RLF: variants seen among roughly 807,000 people sequenced by gnomAD.
The protein encoded by RLF is zinc finger protein Rlf.
RLF carries 7 observed loss-of-function variants against 162.9 expected under a neutral mutation model. That is an observed-to-expected ratio of 0.04 (90% confidence interval 0.02 to 0.08). RLF has a LOEUF of 0.08. Among genes scored for constraint, RLF ranks in the 10% least tolerant of loss-of-function variants. The probability of loss-of-function intolerance (pLI) is 1.00; values close to 1 mark genes in which losing one functional copy is unlikely to be tolerated. For synonymous variants in RLF, 782 were observed against 791.5 expected, an observed-to-expected ratio of 0.99 and a Z score of 0.20; for missense variants, 1,664 against 2,244.7, an observed-to-expected ratio of 0.74 and a Z score of 5.23.
chr1:40,189,025 T>G (rs1269932068), intron 1 of RLF, 30 bp from the exon 2 acceptor site: 1 of 1,403,248 alleles, frequency 7.1e-7, no homozygotes, highest in African/African-American at 1.4e-5. Flanking sequence ...TTATTTTTAT[T>G]TGTAAATAAT....
At chr1:40,227,604 A>C (rs1323643327) in intron 6 of RLF, among the ~76,000 whole-genome samples, 1 of 152,230 alleles carries the variant, frequency 6.6e-6, no homozygotes, top group Non-Finnish European at 1.5e-5. Flanking sequence ...AATACACCAT[A>C]AAATGCCCAT....
Position 40,161,388 on chromosome 1 carries a change from G to A in RLF, c.-12G>A. 1 of 1,517,162 alleles carries A rather than the reference G, an allele frequency of 6.6e-7. No homozygotes were observed. 94.0% of individuals were successfully genotyped at this position (1,517,162 alleles called of 1,614,324 possible). On this transcript the variant is annotated 5_prime_UTR_variant, in exon 1 of 8. Transcript: ENST00000372771. The surrounding 1 kb of genome is among the most constrained non-coding windows in gnomAD (Gnocchi z 4.4). ...TGGCTTGGTTGCCTACGCGCTGGTG[G>A]GCCGTGGGAAGATGGCGGACGGAAA...
At chr1:40,225,222 T>G (rs1643053119) in intron 6 of RLF, among the ~76,000 whole-genome samples, 1 of 152,086 alleles carries the variant, frequency 6.6e-6, no homozygotes, top group Non-Finnish European at 1.5e-5. Flanking sequence ...ACGCTAGAAT[T>G]TATGTCTTGG....
At chr1:40,198,204 T>C (rs1474330411) in intron 4 of RLF, among the ~76,000 whole-genome samples, 1 of 151,318 alleles carries the variant, frequency 6.6e-6, no homozygotes, top group African/African-American at 2.4e-5. Context: ...GGTTTCTCCA[T>C]GTTGGTCAGG....
At position 40,161,978 on chromosome 1, in the gene RLF, G is replaced by A. The variant is rs1217215456; in HGVS notation, c.237+342G>A. The stretch of plus-strand genomic sequence containing the variant: ...GAGGGATTGATTGCTTGTCCCTGCC[G>A]GGAGATCCTTTTTTGAGTGGAGTGC... On this transcript the variant is annotated intron_variant, in intron 1 of 7. Coordinates refer to ENST00000372771, the MANE Select transcript of RLF (RefSeq NM_012421.4). The surrounding 1 kb of genome is among the most constrained non-coding windows in gnomAD (Gnocchi z 4.4). 6.6e-6 allele frequency among the ~76,000 whole-genome samples: 1 copy of A among 152,172 alleles called. No individual in the cohort carries two copies. Among genetic ancestry groups the A allele is most frequent in the African/African-American group, 2.4e-5 (1 of 41,444 alleles).
At chr1:40,182,338 G>A (rs2124531372) in intron 1 of RLF, among the ~76,000 whole-genome samples, 1 of 152,286 alleles carries the variant, frequency 6.6e-6, no homozygotes, top group African/African-American at 2.4e-5. Flanking sequence ...GGAGGCTGAG[G>A]CAGGAGAGTC....
At chr1:40,169,144 G>A (rs537764282) in intron 1 of RLF, among the ~76,000 whole-genome samples, 1 of 152,256 alleles carries the variant, frequency 6.6e-6, no homozygotes, top group Non-Finnish European at 1.5e-5. Context: ...CCCTCAGGTG[G>A]GTAGTGTGAT....
intron 5 of RLF, among the ~76,000 whole-genome samples, chr1:40,216,193 C>G (rs962331013): frequency 6.6e-6 from 1 of 151,994 alleles, no homozygotes; most frequent in African/African-American, 2.4e-5. Context: ...AAGATAAAAC[C>G]CACTGAGGCC....
chr1:40,211,270 G>A (rs1197427633), intron 5 of RLF, among the ~76,000 whole-genome samples: 1 of 152,212 alleles, frequency 6.6e-6, no homozygotes, highest in East Asian at 1.9e-4. Context: ...TGATGAAACT[G>A]AAGCCAAGCT....
intron 3 of RLF, among the ~76,000 whole-genome samples, chr1:40,193,917 T>C (rs960428111): frequency 2.0e-5 from 3 of 152,168 alleles, no homozygotes; most frequent in Non-Finnish European, 4.4e-5. Flanking sequence ...CAAAGAAATG[T>C]TGACGTAAAT....
At chr1:40,204,510 G>T (rs973325056) in intron 5 of RLF, among the ~76,000 whole-genome samples, 16 of 152,118 alleles carry the variant, frequency 1.1e-4, no homozygotes, top group Non-Finnish European at 1.6e-4. Flanking sequence ...GGGCTCAGGT[G>T]ATCTTCCCAC....
At chr1:40,190,358 G>A (rs1265645161) in intron 2 of RLF, among the ~76,000 whole-genome samples, 1 of 152,130 alleles carries the variant, frequency 6.6e-6, no homozygotes, top group African/African-American at 2.4e-5. Context: ...CTCTGCAAGT[G>A]ACAGAAACCT....
At chr1:40,223,384 A>G (rs1643021307) in intron 6 of RLF, among the ~76,000 whole-genome samples, 1 of 152,188 alleles carries the variant, frequency 6.6e-6, no homozygotes, top group East Asian at 1.9e-4. Context: ...GGATAATGCT[A>G]TAGGAGATCA....
At position 40,238,907 on chromosome 1, in the gene RLF, G is replaced by T; in HGVS notation, c.4205G>T (p.Gly1402Val). The change falls in exon 8 of 8, where the codon GGA becomes GTA. Residue 1402 changes from glycine (G) to valine (V), a missense_variant. Coordinates refer to ENST00000372771, the MANE Select transcript of RLF (RefSeq NM_012421.4). The surrounding 1 kb of genome is among the most constrained non-coding windows in gnomAD (Gnocchi z 5.2). ...IEEPKVLSEA[G>V]SAARFSCNQP... The stretch of plus-strand genomic sequence containing the variant: ...GAGCCTAAAGTACTTTCCGAAGCTG[G>T]ATCTGCAGCAAGGTTTTCTTGTAAC... The T allele has an allele frequency of 3.1e-6, 5 of 1,614,170 alleles. No homozygotes were observed. Among genetic ancestry groups the T allele is most frequent in the Admixed American group, 1.7e-5 (1 of 60,016 alleles).
chr1:40,188,619 A>G (rs1433452462), intron 1 of RLF, among the ~76,000 whole-genome samples: 2 of 45,506 alleles, frequency 4.4e-5, no homozygotes, highest in South Asian at 1.7e-3. Context: ...ATGTGTCCAG[A>G]AAAAAAAAAA....
intron 1 of RLF, among the ~76,000 whole-genome samples, chr1:40,187,834 A>G (rs905978495): frequency 2.0e-5 from 3 of 152,166 alleles, no homozygotes; most frequent in African/African-American, 4.8e-5. Flanking sequence ...CTGCGCTACT[A>G]TTGTAGTTAT....
At chr1:40,211,868 T>C (rs1009603894) in intron 5 of RLF, among the ~76,000 whole-genome samples, 1 of 152,154 alleles carries the variant, frequency 6.6e-6, no homozygotes, top group African/African-American at 2.4e-5. Flanking sequence ...CCTCCTGTTA[T>C]CCGCCCGCCT....
At chr1:40,173,367 C>T (rs1642273634) in intron 1 of RLF, among the ~76,000 whole-genome samples, 1 of 151,980 alleles carries the variant, frequency 6.6e-6, no homozygotes, top group Non-Finnish European at 1.5e-5. Context: ...TGAGCCACCA[C>T]GCCTGGCCTA....
chr1:40,217,808 A>G (rs981011017), intron 5 of RLF, among the ~76,000 whole-genome samples: 23 of 152,084 alleles, frequency 1.5e-4, no homozygotes, highest in African/African-American at 5.6e-4. Flanking sequence ...CCCAACTCCT[A>G]CTTAAGTCAC....
Sources: allele counts gnomAD v4.1 joint callset (sites outside exome capture counted in the v4.1 genomes callset), GRCh38; gene constraint gnomAD v4.1.1; non-coding constraint Gnocchi (gnomAD v3.1); transcripts MANE v1.5; gene names NCBI Gene and HGNC (gene_info 2026-07-23, HGNC 2026-07-21).